Variants in TMEM267 observed in about 807,000 individuals in gnomAD.
The protein encoded by TMEM267 is transmembrane protein C5orf28.
TMEM267 carries 20 observed loss-of-function variants against 19.3 expected under a neutral mutation model. That is an observed-to-expected ratio of 1.04 (90% CI 0.73 to 1.51). The LOEUF is 1.51. Among genes scored for constraint, TMEM267 ranks in the 40% most tolerant of loss-of-function variants. The pLI is 0.00. For missense variants in TMEM267, 242 were observed against 261.9 expected (o/e 0.92, Z 0.52); for synonymous variants, 88 against 90.3 (o/e 0.97, Z 0.15).
intron 1 of TMEM267, among the ~76,000 whole-genome samples, chr5:43,469,329 ATC>A (rs1452617788): frequency 6.6e-6 from 1 of 152,228 alleles, no homozygotes; most frequent in Non-Finnish European, 1.5e-5. Context: ...AAAGGCCAAT[ATC>A]TCTGATGAAT....
chr5:43,463,709 G>A (rs946873709), intron 1 of TMEM267, among the ~76,000 whole-genome samples: 3 of 152,144 alleles, frequency 2.0e-5, no homozygotes, highest in Non-Finnish European at 4.4e-5. Context: ...AAAACCACAT[G>A]ATTATCTCAA....
intron 1 of TMEM267, among the ~76,000 whole-genome samples, chr5:43,460,970 C>A (rs772199804): frequency 1.3e-5 from 2 of 152,226 alleles, no homozygotes; most frequent in Non-Finnish European, 2.9e-5. Context: ...GGGCACATGA[C>A]ATACTGAGAC....
intron 2 of TMEM267, among the ~76,000 whole-genome samples, chr5:43,450,558 C>T (rs896156919): frequency 6.6e-6 from 1 of 152,194 alleles, no homozygotes; most frequent in Non-Finnish European, 1.5e-5. Context: ...TAGCATTTTA[C>T]AGCAGAGGAA....
chr5:43,470,301 C>T (rs924523717), intron 1 of TMEM267, among the ~76,000 whole-genome samples: 2 of 152,156 alleles, frequency 1.3e-5, no homozygotes, highest in African/African-American at 2.4e-5. Context: ...CACCACCATA[C>T]CCAAACAATT....
upstream of TMEM267, chr5:43,483,901 G>T (rs764394399): frequency 6.6e-6 from 1 of 152,230 alleles, no homozygotes; most frequent in Non-Finnish European, 1.5e-5. Flanking sequence ...GACGTCGGCT[G>T]CCGGCCAGAG....
At chr5:43,457,908 T>C (rs563960318) in intron 1 of TMEM267, among the ~76,000 whole-genome samples, 1 of 152,288 alleles carries the variant, frequency 6.6e-6, no homozygotes, top group East Asian at 1.9e-4. Context: ...ATTAAATTTA[T>C]TTATTTTGAG....
intron 1 of TMEM267, among the ~76,000 whole-genome samples, chr5:43,481,937 G>T (rs1220821542): frequency 1.3e-5 from 2 of 152,136 alleles, no homozygotes; most frequent in Non-Finnish European, 2.9e-5. Context: ...CCCCCTCCCG[G>T]GTTCACGCCA....
At chr5:43,454,915 G>A (rs987148265) in intron 1 of TMEM267, among the ~76,000 whole-genome samples, 4 of 152,130 alleles carry the variant, frequency 2.6e-5, no homozygotes, top group Non-Finnish European at 4.4e-5. Flanking sequence ...TGTGACACAT[G>A]AAGTTTTTTC....
At chr5:43,464,040 GTA>G (rs1743450170) in intron 1 of TMEM267, among the ~76,000 whole-genome samples, 3 of 152,162 alleles carry the variant, frequency 2.0e-5, no homozygotes, top group Admixed American at 2.0e-4. Flanking sequence ...TGACATGATT[GTA>G]TATCTAGAAA....
At chr5:43,464,038 T>C (rs1245486983) in intron 1 of TMEM267, among the ~76,000 whole-genome samples, 1 of 152,210 alleles carries the variant, frequency 6.6e-6, no homozygotes, top group African/African-American at 2.4e-5. Flanking sequence ...GATGACATGA[T>C]TGTATATCTA....
chr5:43,461,757 GCT>G (rs1336377884), intron 1 of TMEM267, among the ~76,000 whole-genome samples: 1 of 152,196 alleles, frequency 6.6e-6, no homozygotes. Flanking sequence ...TTGAGTGCCA[GCT>G]CAGCTGCAGT....
chr5:43,469,839 T>A (rs1162699488), intron 1 of TMEM267, among the ~76,000 whole-genome samples: 1 of 152,202 alleles, frequency 6.6e-6, no homozygotes, highest in African/African-American at 2.4e-5. Flanking sequence ...GATCTCAAGA[T>A]CTTTACCCTG....
intron 1 of TMEM267, among the ~76,000 whole-genome samples, chr5:43,466,253 A>G (rs994763902): frequency 6.6e-6 from 1 of 152,222 alleles, no homozygotes; most frequent in African/African-American, 2.4e-5. Context: ...AAGCAGCAAG[A>G]GAAAATAAAC....
intron 1 of TMEM267, among the ~76,000 whole-genome samples, chr5:43,483,347 AT>A (rs921435726): frequency 1.3e-5 from 2 of 152,298 alleles, no homozygotes; most frequent in African/African-American, 4.8e-5. Flanking sequence ...TTCAAATGTC[AT>A]TTAAAAAAAT....
At chr5:43,466,129 C>T (rs953207637) in intron 1 of TMEM267, among the ~76,000 whole-genome samples, 2 of 151,968 alleles carry the variant, frequency 1.3e-5, no homozygotes, top group African/African-American at 4.8e-5. Context: ...TTAGATATCG[C>T]TATCCAAGTA....
At chr5:43,468,588 C>G (rs1743889342) in intron 1 of TMEM267, among the ~76,000 whole-genome samples, 2 of 152,174 alleles carry the variant, frequency 1.3e-5, no homozygotes, top group African/African-American at 4.8e-5. Context: ...GCCCTGACCA[C>G]CTTGGGCACA....
chr5:43,465,214 C>G (rs1743573703), intron 1 of TMEM267, among the ~76,000 whole-genome samples: 1 of 152,214 alleles, frequency 6.6e-6, no homozygotes, highest in South Asian at 2.1e-4. Context: ...AAATGCTCAT[C>G]ATCACTGGCC....
At chr5:43,481,083 C>T (rs1744734289) in intron 1 of TMEM267, among the ~76,000 whole-genome samples, 1 of 147,718 alleles carries the variant, frequency 6.8e-6, no homozygotes. Context: ...GGATTACAGG[C>T]GTGAGCCACT....
In TMEM267 at chr5:43,467,633, T is replaced by C. The variant is rs369374879; in HGVS notation, c.-74-13590A>G. Among the ~76,000 whole-genome samples, 48 of 152,302 alleles carry C rather than the reference T, an allele frequency of 3.2e-4. No homozygotes were observed. In the South Asian group the frequency reaches 9.3e-3, roughly 30 times the overall value. On this transcript the variant is annotated intron_variant, in intron 1 of 2. Transcript: ENST00000397080. ...GAGATAGGCCCCAATATAATAATAG[T>C]TGGATACTTTGACACCCCACTTTTG...
Sources: allele counts gnomAD v4.1 joint callset (sites outside exome capture counted in the v4.1 genomes callset), GRCh38; gene constraint gnomAD v4.1.1; transcripts MANE v1.5; gene names NCBI Gene and HGNC (gene_info 2026-07-23, HGNC 2026-07-21).